Variants in TMPRSS11E observed in about 807,000 individuals in gnomAD.
The protein encoded by TMPRSS11E is transmembrane serine protease 11E, also known as transmembrane protease serine 11E.
TMPRSS11E carries 38 observed loss-of-function variants against 48.1 expected under a neutral mutation model. That is an observed-to-expected ratio of 0.79 (90% confidence interval 0.61 to 1.04). The LOEUF (loss-of-function observed/expected upper bound fraction) is 1.04, where lower values mean the gene tolerates loss of function less well. Among genes scored for constraint, TMPRSS11E ranks in the 50% least tolerant of loss-of-function variants. TMPRSS11E has a pLI of 0.00. For synonymous variants in TMPRSS11E, 158 were observed against 171.9 expected, an observed-to-expected ratio of 0.92 and a Z score of 0.63; for missense variants, 530 against 510.8, an observed-to-expected ratio of 1.04 and a Z score of -0.36.
At chr4:68,450,578 A>G (rs925931497) in intron 1 of TMPRSS11E, among the ~76,000 whole-genome samples, 2 of 151,990 alleles carry the variant, frequency 1.3e-5, no homozygotes, top group African/African-American at 4.8e-5. Flanking sequence ...CCACACATGG[A>G]GAAAATGTTG....
At chr4:68,481,439 C>G (rs1578142592) in intron 9 of TMPRSS11E, among the ~76,000 whole-genome samples, 1 of 152,280 alleles carries the variant, frequency 6.6e-6, no homozygotes, top group East Asian at 1.9e-4. Context: ...TAAGCATTCC[C>G]TTTTCTCCAC....
intron 9 of TMPRSS11E, among the ~76,000 whole-genome samples, chr4:68,492,528 T>C (rs1261664940): frequency 6.6e-6 from 1 of 152,238 alleles, no homozygotes; most frequent in Non-Finnish European, 1.5e-5. Flanking sequence ...TCCCCAACTG[T>C]AGTGCCAAAG....
intron 9 of TMPRSS11E, among the ~76,000 whole-genome samples, chr4:68,482,982 T>A (rs67470022): frequency 0.33 from 49,683 of 152,120 alleles, 8,874 homozygotes; most frequent in East Asian, 0.77. Context: ...AGTTGCCAAG[T>A]CGCTTTCACA....
intron 9 of TMPRSS11E, among the ~76,000 whole-genome samples, chr4:68,482,934 T>C (rs1729448221): frequency 6.6e-6 from 1 of 152,232 alleles, no homozygotes; most frequent in Non-Finnish European, 1.5e-5. Context: ...ATCTGTCTTC[T>C]GAGCCTTCAA....
At chr4:68,462,875 G>A (rs1315411297) in intron 2 of TMPRSS11E, among the ~76,000 whole-genome samples, 2 of 152,148 alleles carry the variant, frequency 1.3e-5, no homozygotes, top group African/African-American at 4.8e-5. Flanking sequence ...TATGTTATTA[G>A]AAAGGTCTCC....
At chr4:68,457,040 C>T (rs1017439503) in intron 1 of TMPRSS11E, among the ~76,000 whole-genome samples, 23 of 152,144 alleles carry the variant, frequency 1.5e-4, no homozygotes, top group Non-Finnish European at 2.5e-4. Flanking sequence ...GCAACAGAAG[C>T]CAAAATTGAC....
In TMPRSS11E at chr4:68,464,429, G is replaced by GA. The variant is rs545093467; in HGVS notation, c.137-2200dup. ...CTGTGTAATTTGGATGTCAGAAGATGAATCTGTTATAAGCAACATCACTGC... is the reference window on the plus strand; with the variant it reads ...CTGTGTAATTTGGATGTCAGAAGATGAAATCTGTTATAAGCAACATCACTGC... On this transcript the variant is annotated intron_variant, in intron 2 of 9. Coordinates refer to ENST00000305363, the MANE Select transcript of TMPRSS11E (RefSeq NM_014058.4). Among the ~76,000 whole-genome samples the GA allele has an allele frequency of 2.0e-5, 3 of 152,272 alleles. No homozygotes were observed. In the South Asian group the frequency reaches 6.2e-4, roughly 32 times the overall value.
At chr4:68,495,847 A>T (rs890744591) in intron 9 of TMPRSS11E, among the ~76,000 whole-genome samples, 4 of 152,142 alleles carry the variant, frequency 2.6e-5, no homozygotes, top group African/African-American at 9.7e-5. Flanking sequence ...GAATTACATG[A>T]ATTAATGAGA....
At chr4:68,454,080 G>A (rs1288823153) in intron 1 of TMPRSS11E, among the ~76,000 whole-genome samples, 2 of 151,898 alleles carry the variant, frequency 1.3e-5, no homozygotes, top group Non-Finnish European at 2.9e-5. Flanking sequence ...CAAAGATCAA[G>A]GTTTCTGTTA....
At chr4:68,481,907 T>G (rs570973010) in intron 9 of TMPRSS11E, among the ~76,000 whole-genome samples, 53 of 152,090 alleles carry the variant, frequency 3.5e-4, no homozygotes, top group Non-Finnish European at 6.5e-4. Flanking sequence ...CCCACTGCAC[T>G]CCAGCTTGGG....
In TMPRSS11E at chr4:68,474,750, A is replaced by G. The variant is rs745794694; in HGVS notation, c.518A>G (p.Tyr173Cys). The G allele has an allele frequency of 6.2e-7, 1 of 1,603,446 alleles. No homozygotes were observed. The highest frequency in any genetic ancestry group is 1.1e-5 in the South Asian group (1 of 87,804). Residue 173 changes from tyrosine to cysteine, a missense_variant, in exon 6 of 10, where the codon TAT (tyrosine) becomes TGT (cysteine). Coordinates refer to ENST00000305363, the MANE Select transcript of TMPRSS11E (RefSeq NM_014058.4). ...KKINKTETDS[Y>C]LNHCCGTRRS... ...ATCAACAAGACAGAAACAGACAGCT[A>G]TCTAAACCATTGTAAGTTTAATATA...
chr4:68,452,846 C>T (rs1728536370), intron 1 of TMPRSS11E, among the ~76,000 whole-genome samples: 1 of 151,902 alleles, frequency 6.6e-6, no homozygotes, highest in South Asian at 2.1e-4. Flanking sequence ...AACAATAAAG[C>T]TATATTTGGC....
At chr4:68,465,963 G>C (rs540760217) in intron 2 of TMPRSS11E, among the ~76,000 whole-genome samples, 235 of 152,268 alleles carry the variant, frequency 1.5e-3, no homozygotes, top group Non-Finnish European at 2.4e-3. Flanking sequence ...ATTGAATGCA[G>C]AATGTAGAGA....
chr4:68,484,787 T>A (rs1729506313), intron 9 of TMPRSS11E, among the ~76,000 whole-genome samples: 1 of 152,228 alleles, frequency 6.6e-6, no homozygotes. Context: ...CTCATTTTAG[T>A]ACATTGATTT....
chr4:68,463,006 T>C (rs1184982368), intron 2 of TMPRSS11E, among the ~76,000 whole-genome samples: 1 of 152,170 alleles, frequency 6.6e-6, no homozygotes, highest in Non-Finnish European at 1.5e-5. Flanking sequence ...CTTCCTCTGT[T>C]ACTAGATTAT....
intron 9 of TMPRSS11E, among the ~76,000 whole-genome samples, chr4:68,493,144 A>C (rs990932480): frequency 6.6e-6 from 1 of 152,060 alleles, no homozygotes; most frequent in Non-Finnish European, 1.5e-5. Context: ...ATGGTATGCA[A>C]AAATAGGGAG....
chr4:68,478,653 C>T (rs187001909), intron 8 of TMPRSS11E, among the ~76,000 whole-genome samples, 196 bp from the exon 9 acceptor site: 13 of 151,812 alleles, frequency 8.6e-5, no homozygotes, highest in African/African-American at 2.9e-4. Flanking sequence ...CAGGATTTCA[C>T]CATGTTGGCC....
At chr4:68,489,824 G>C (rs561143505) in intron 9 of TMPRSS11E, among the ~76,000 whole-genome samples, 4 of 152,338 alleles carry the variant, frequency 2.6e-5, no homozygotes, top group African/African-American at 7.2e-5. Flanking sequence ...ACAAGCAAGA[G>C]AGCCCTGTGA....
intron 4 of TMPRSS11E, 105 bp downstream of exon 4, chr4:68,469,051 A>G (rs1728994926): frequency 2.2e-6 from 2 of 914,840 alleles, no homozygotes; most frequent in South Asian, 1.4e-5. Flanking sequence ...CAATCCAACA[A>G]ACATTTGACA....
Sources: allele counts gnomAD v4.1 joint callset (sites outside exome capture counted in the v4.1 genomes callset), GRCh38; gene constraint gnomAD v4.1.1; transcripts MANE v1.5; gene names NCBI Gene and HGNC (gene_info 2026-07-23, HGNC 2026-07-21).